The following TMEM38B variants were observed in gnomAD, a reference collection of about 807,000 sequenced individuals.
The protein encoded by TMEM38B is trimeric intracellular cation channel type B.
Under a neutral mutation model 28.7 loss-of-function variants are expected in TMEM38B, and 24 were observed. The observed-to-expected ratio is 0.84, with a 90% CI of 0.61 to 1.18. The LOEUF (loss-of-function observed/expected upper bound fraction) is 1.18. Ranked by LOEUF, TMEM38B falls within the 50% of genes most tolerant of loss-of-function variation. TMEM38B has a pLI of 0.00. For missense variants in TMEM38B, 380 were observed against 350.9 expected (o/e 1.08, Z -0.66); for synonymous variants, 131 against 127.7 (o/e 1.03, Z -0.17).
At chr9:105,736,144 C>G (rs1836969529) in intron 4 of TMEM38B, among the ~76,000 whole-genome samples, 1 of 151,434 alleles carries the variant, frequency 6.6e-6, no homozygotes, top group Non-Finnish European at 1.5e-5. Context: ...CTCATTTTGG[C>G]TTTCCAGAGT....
At chr9:105,748,254 T>C in intron 5 of TMEM38B, 64 bp downstream of exon 5, 1 of 1,214,026 alleles carries the variant, frequency 8.2e-7, no homozygotes, top group South Asian at 1.4e-5. Context: ...TTGATACAAT[T>C]TTGCATGCTG....
chr9:105,744,408 A>G (rs1837312964), intron 4 of TMEM38B, among the ~76,000 whole-genome samples: 1 of 152,006 alleles, frequency 6.6e-6, no homozygotes, highest in South Asian at 2.1e-4. Context: ...TTTTGCATCA[A>G]TAATCTGAAT....
At chr9:105,726,936 C>G (rs1836539709) in intron 4 of TMEM38B, among the ~76,000 whole-genome samples, 1 of 151,958 alleles carries the variant, frequency 6.6e-6, no homozygotes, top group African/African-American at 2.4e-5. Context: ...GGCTTATTAG[C>G]TATACCTCCT....
At chr9:105,700,391 C>T (rs1366980664) in intron 1 of TMEM38B, among the ~76,000 whole-genome samples, 1 of 152,084 alleles carries the variant, frequency 6.6e-6, no homozygotes, top group Non-Finnish European at 1.5e-5. Flanking sequence ...TCACACATTC[C>T]TGTAAGGTAG....
Position 105,775,737 on chromosome 9 carries a change from A to C in TMEM38B, c.*1657A>C, listed in dbSNP as rs981908555. On this transcript the variant is annotated 3_prime_UTR_variant, in exon 6 of 6. Transcript: ENST00000374692. ...TTGACCAGTTTTGAAGTTTGGGTTT[A>C]ACTGTAGTTGAAATGGAAGGACTCT... The C allele has an allele frequency of 2.6e-5, 4 of 152,150 alleles. No individual in the cohort carries two copies. In the South Asian group the frequency reaches 8.3e-4, roughly 31 times the overall value. 9.4% of individuals were successfully genotyped at this position (152,150 alleles called of 1,614,324 possible). A position where few individuals can be genotyped will look rare whatever the true frequency, so the allele number is the denominator to read the frequency against.
At chr9:105,763,614 A>G (rs1443010555) in intron 5 of TMEM38B, among the ~76,000 whole-genome samples, 1 of 152,260 alleles carries the variant, frequency 6.6e-6, no homozygotes, top group African/African-American at 2.4e-5. Flanking sequence ...AAAAGAGTCC[A>G]GGACCAGACA....
At chr9:105,771,174 A>G (rs1826531249) in intron 5 of TMEM38B, among the ~76,000 whole-genome samples, 2 of 152,168 alleles carry the variant, frequency 1.3e-5, no homozygotes, top group African/African-American at 4.8e-5. Context: ...GCCAAATACT[A>G]TTTAATTTAG....
At chr9:105,742,340 C>T (rs10978230) in intron 4 of TMEM38B, among the ~76,000 whole-genome samples, 15,908 of 152,202 alleles carry the variant, frequency 0.1, 1,291 homozygotes, top group East Asian at 0.46. Flanking sequence ...TCACCTCAAG[C>T]CACAGAAGAT....
At chr9:105,742,179 G>T (rs1837230591) in intron 4 of TMEM38B, among the ~76,000 whole-genome samples, 2 of 152,166 alleles carry the variant, frequency 1.3e-5, no homozygotes, top group Admixed American at 1.3e-4. Flanking sequence ...TGATAAAACT[G>T]CTCAGCTGCA....
At chr9:105,738,387 A>G (rs559315795) in intron 4 of TMEM38B, among the ~76,000 whole-genome samples, 14 of 152,064 alleles carry the variant, frequency 9.2e-5, no homozygotes, top group African/African-American at 3.4e-4. Flanking sequence ...CCTTCTCTAC[A>G]TGGCCATACT....
At chr9:105,701,569 C>T (rs1835460714) in intron 1 of TMEM38B, 1 of 152,220 alleles carries the variant, frequency 6.6e-6, no homozygotes. Flanking sequence ...GCTGCAATTA[C>T]AGTCACGACC....
At chr9:105,765,119 A>G (rs1255446476) in intron 5 of TMEM38B, among the ~76,000 whole-genome samples, 2 of 152,216 alleles carry the variant, frequency 1.3e-5, no homozygotes, top group Non-Finnish European at 1.5e-5. Context: ...AAATTATTGG[A>G]CCAAATTGAA....
In TMEM38B at chr9:105,754,249, T is replaced by TA. The variant is rs1837756122; in HGVS notation, c.660+6060dup. Among the ~76,000 whole-genome samples the TA allele has an allele frequency of 4.6e-5, 7 of 152,218 alleles. No individual in the cohort carries two copies. In the South Asian group the frequency reaches 1.5e-3, roughly 32 times the overall value. ...CATTGAGACAGAAAATTAACAGAGA[T>TA]ATTCAGGACCTGACCTCAGCTCTGG... On this transcript the variant is annotated intron_variant, in intron 5 of 5. Coordinates refer to ENST00000374692, the MANE Select transcript of TMEM38B (RefSeq NM_018112.3).
chr9:105,768,763 A>G (rs74545288), intron 5 of TMEM38B, among the ~76,000 whole-genome samples: 2,598 of 152,104 alleles, frequency 0.017, 23 homozygotes, highest in Middle Eastern at 0.034. Context: ...TTCATTCCTG[A>G]TATTGGTGAT....
chr9:105,705,836 A>T, intron 2 of TMEM38B, 83 bp downstream of exon 2: 2 of 1,453,402 alleles, frequency 1.4e-6, no homozygotes, highest in Admixed American at 4.1e-5. Flanking sequence ...TTTTTCTTTG[A>T]ACAATATTTT....
intron 2 of TMEM38B, among the ~76,000 whole-genome samples, chr9:105,709,580 C>T (rs1162286711): frequency 6.6e-6 from 1 of 152,160 alleles, no homozygotes; most frequent in East Asian, 1.9e-4. Flanking sequence ...TTAACCAGTA[C>T]AATGTTTTGC....
chr9:105,741,027 C>A (rs903500673), intron 4 of TMEM38B, among the ~76,000 whole-genome samples: 12 of 152,068 alleles, frequency 7.9e-5, no homozygotes, highest in African/African-American at 2.9e-4. Flanking sequence ...AAGAGGTCCT[C>A]CTGGATTTCT....
rs371772464 is a variant in TMEM38B, at chr9:105,774,095, C to T, written c.*15C>T. 31 of 1,605,968 alleles carry T rather than the reference C, an allele frequency of 1.9e-5. No individual in the cohort carries two copies. The African/African-American group carries it at 3.9e-4, about 20-fold the overall frequency. On this transcript the variant is annotated 3_prime_UTR_variant, in exon 6 of 6. Transcript: ENST00000374692. Reference sequence around the variant, plus strand: ...AGAATGAATAAATTTACGTGATGAGCTCTACAAGGCCAAAAATTTTTTTTC... The same window carrying T: ...AGAATGAATAAATTTACGTGATGAGTTCTACAAGGCCAAAAATTTTTTTTC...
chr9:105,753,577 T>C (rs942500404), intron 5 of TMEM38B, among the ~76,000 whole-genome samples: 7 of 152,042 alleles, frequency 4.6e-5, no homozygotes, highest in Non-Finnish European at 5.9e-5. Flanking sequence ...AGCTTCATAA[T>C]TGAAGGAGAA....
Sources: gnomAD v4.1 joint callset for allele counts (sites outside exome capture counted in the v4.1 genomes callset) on GRCh38, gnomAD v4.1.1 for gene constraint, MANE v1.5 for transcripts, NCBI Gene and HGNC (gene_info 2026-07-23, HGNC 2026-07-21) for gene names.